RBFOX1: variants seen among roughly 807,000 people sequenced by gnomAD.
RBFOX1 encodes the protein RNA binding protein fox-1 homolog 1.
In RBFOX1, 8 loss-of-function variants were observed where a neutral mutation model predicts 57.7. That is an observed-to-expected ratio of 0.14 (90% CI 0.08 to 0.25). The LOEUF (loss-of-function observed/expected upper bound fraction) is 0.25, where lower values mean the gene tolerates loss of function less well. Ranked by LOEUF, RBFOX1 falls within the 10% of genes least tolerant of loss-of-function variation. RBFOX1 has a pLI of 1.00. For missense variants in RBFOX1, 611 were observed against 548.5 expected, an observed-to-expected ratio of 1.11 and a Z score of -1.14; for synonymous variants, 326 against 222.4, an observed-to-expected ratio of 1.47 and a Z score of -4.15.
At chr16:6,967,257 T>G (rs58228839) in intron 3 of RBFOX1, among the ~76,000 whole-genome samples, 4,058 of 152,268 alleles carry the variant, frequency 0.027, 180 homozygotes, top group African/African-American at 0.092. Context: ...CATCTGTCTG[T>G]CTGTACACTC....
intron 1 of RBFOX1, among the ~76,000 whole-genome samples, chr16:5,445,005 C>T (rs973287605): frequency 5.9e-5 from 9 of 152,186 alleles, no homozygotes; most frequent in African/African-American, 1.9e-4. Context: ...CTTCCTCCTC[C>T]TCCTTCTGTT....
intron 4 of RBFOX1, among the ~76,000 whole-genome samples, chr16:5,899,881 C>T (rs1354381059): frequency 1.3e-5 from 2 of 152,144 alleles, no homozygotes; most frequent in Non-Finnish European, 1.5e-5. Context: ...CGAGACTAGC[C>T]TGGGCAACAT....
At chr16:7,611,492 T>C (rs1370681926) in intron 10 of RBFOX1, among the ~76,000 whole-genome samples, 2 of 151,342 alleles carry the variant, frequency 1.3e-5, no homozygotes, top group Non-Finnish European at 2.9e-5. Context: ...GGCAGAAGAA[T>C]CACTTGAACC....
chr16:6,984,266 T>C (rs1381309284), intron 3 of RBFOX1, among the ~76,000 whole-genome samples: 5 of 152,016 alleles, frequency 3.3e-5, no homozygotes, highest in African/African-American at 1.2e-4. Context: ...AATAAAATAA[T>C]CCTGGATCCT....
At chr16:7,383,929 C>A (rs949154362) in intron 4 of RBFOX1, among the ~76,000 whole-genome samples, 2 of 151,982 alleles carry the variant, frequency 1.3e-5, no homozygotes, top group African/African-American at 4.8e-5. Flanking sequence ...TGGCATGTGC[C>A]TGTAGTCCCA....
chr16:5,972,947 G>C (rs994616496), intron 4 of RBFOX1, among the ~76,000 whole-genome samples: 3 of 152,136 alleles, frequency 2.0e-5, no homozygotes, highest in African/African-American at 7.2e-5. Context: ...CTTTTCATGA[G>C]TCATCATTTC....
At chr16:6,016,471 A>T (rs2094994505), upstream of RBFOX1, among the ~76,000 whole-genome samples, 1 of 152,184 alleles carries the variant, frequency 6.6e-6, no homozygotes, top group Non-Finnish European at 1.5e-5. Context: ...CTGGTAAACC[A>T]CATGGACAAC....
At chr16:7,139,188 G>GTGTGTGTA (rs1567416262) in intron 4 of RBFOX1, among the ~76,000 whole-genome samples, 2 of 130,668 alleles carry the variant, frequency 1.5e-5, no homozygotes, top group African/African-American at 3.1e-5. Context: ...GTGTGTGTGT[G>GTGTGTGTA]TGTGTGTGTA....
chr16:6,718,657 TC>T (rs1195429285), intron 3 of RBFOX1, among the ~76,000 whole-genome samples: 3 of 151,968 alleles, frequency 2.0e-5, no homozygotes, highest in East Asian at 3.9e-4. Flanking sequence ...GGAACGGACT[TC>T]CCCCTTGCTG....
rs530392078 is a variant in RBFOX1, at chr16:6,226,833, G to C, written c.-126-90162G>C. 2.0e-5 allele frequency among the ~76,000 whole-genome samples: 3 copies of C among 151,758 alleles called. No homozygotes were observed. The South Asian group carries it at 6.2e-4, about 32-fold the overall frequency. On this transcript the variant is annotated intron_variant, in intron 1 of 15. Coordinates refer to ENST00000550418, the MANE Select transcript of RBFOX1 (RefSeq NM_018723.4). ...AGTTAAAATGATAATATTGTGGCTG[G>C]ACATAGTGCCACACACCTGTAATCT... is the stretch of plus-strand genomic sequence containing the variant.
chr16:6,974,362 T>G (rs1454412075), intron 3 of RBFOX1, among the ~76,000 whole-genome samples: 85 of 97,098 alleles, frequency 8.8e-4, no homozygotes, highest in African/African-American at 3.7e-3. Flanking sequence ...TTTTTTTTTT[T>G]GCGATAGAGT....
intron 3 of RBFOX1, among the ~76,000 whole-genome samples, chr16:5,843,576 T>A (rs143975001): frequency 6.6e-6 from 1 of 152,208 alleles, no homozygotes; most frequent in South Asian, 2.1e-4. Context: ...GTCGATTTCA[T>A]GTCTTTGTTA....
Position 6,989,900 on chromosome 16 carries a change from C to G in RBFOX1, c.-15-62157C>G, listed in dbSNP as rs2091125621. ...CGTATAATCCCAGCTACTCGGGAGT[C>G]TGAGACGGGAGAATTGCTTGAATTC... On this transcript the variant is annotated intron_variant, in intron 3 of 15. Coordinates refer to ENST00000550418, the MANE Select transcript of RBFOX1 (RefSeq NM_018723.4). 2.0e-5 allele frequency among the ~76,000 whole-genome samples: 3 copies of G among 152,098 alleles called. No homozygotes were observed. The South Asian group carries it at 6.2e-4, about 32-fold the overall frequency.
At chr16:7,647,415 C>G (rs771608456) in intron 11 of RBFOX1, among the ~76,000 whole-genome samples, 1 of 152,066 alleles carries the variant, frequency 6.6e-6, no homozygotes, top group South Asian at 2.1e-4. Context: ...TATAATGAAC[C>G]TATGGGTTTT....
In RBFOX1 at chr16:6,829,311, C is replaced by T. The variant is rs1353600984; in HGVS notation, c.-16+174661C>T. ...GTTCTACTTTTAGGAATTTAATCTA[C>T]ATAAATACATATATAAGGAGGCAAG... On this transcript the variant is annotated intron_variant, in intron 3 of 15. Transcript: ENST00000550418. Among the ~76,000 whole-genome samples, 7 of 149,712 alleles carry T rather than the reference C, an allele frequency of 4.7e-5. 1 individual carries two copies. Among genetic ancestry groups the T allele is most frequent in the South Asian group, 2.1e-4 (1 of 4,758 alleles).
intron 3 of RBFOX1, among the ~76,000 whole-genome samples, chr16:7,029,065 T>TAC (rs1273474120): frequency 1.3e-4 from 3 of 23,806 alleles, no homozygotes; most frequent in Non-Finnish European, 2.2e-4. Flanking sequence ...TATATATATA[T>TAC]ATATATATAT....
At chr16:5,738,262 A>G (rs796329118) in intron 3 of RBFOX1, among the ~76,000 whole-genome samples, 7 of 151,236 alleles carry the variant, frequency 4.6e-5, no homozygotes, top group African/African-American at 1.7e-4. Context: ...TGTTTAGGGT[A>G]TCCATCACCC....
downstream of RBFOX1, among the ~76,000 whole-genome samples, chr16:5,601,945 G>T (rs1325414938): frequency 1.3e-5 from 2 of 152,200 alleles, no homozygotes; most frequent in African/African-American, 4.8e-5. Flanking sequence ...AGGCTGATGT[G>T]TTCTCTCTAG....
At chr16:5,334,513 G>T (rs908524899) in intron 1 of RBFOX1, among the ~76,000 whole-genome samples, 22 of 151,822 alleles carry the variant, frequency 1.4e-4, no homozygotes, top group African/African-American at 5.3e-4. Context: ...CATTTTTGGA[G>T]GATTCTAGTA....
Sources: gnomAD v4.1 joint callset for allele counts (sites outside exome capture counted in the v4.1 genomes callset) on GRCh38, gnomAD v4.1.1 for gene constraint, MANE v1.5 for transcripts, NCBI Gene and HGNC (gene_info 2026-07-23, HGNC 2026-07-21) for gene names.